The following CCDC22 variants were observed in gnomAD, a reference collection of about 807,000 sequenced individuals.
CCDC22 encodes coiled-coil domain-containing protein 22.
In CCDC22, 4 loss-of-function variants were observed where a neutral mutation model predicts 53.1. The observed-to-expected ratio is 0.08, with a 90% CI of 0.04 to 0.17. The LOEUF (loss-of-function observed/expected upper bound fraction) is 0.17. CCDC22 is among the 10% of genes least tolerant of loss of function. The probability of loss-of-function intolerance (pLI) is 1.00; values close to 1 mark genes in which losing one functional copy is unlikely to be tolerated. For synonymous variants in CCDC22, 222 were observed against 224.4 expected (o/e 0.99, Z 0.10); for missense variants, 458 against 554.0 (o/e 0.83, Z 1.74).
Position 49,248,812 on chromosome X carries a change from C to A in CCDC22, c.1432-5C>A. On this transcript the variant is annotated splice_region_variant and splice_polypyrimidine_tract_variant and intron_variant, in intron 12 of 16. Transcript: ENST00000376227. ...TGGGGCAGTGCCTGCTATATCCCTGCCTAGATGTCAGAGCTGGAGACTCTG... is the reference window on the plus strand; with the variant it reads ...TGGGGCAGTGCCTGCTATATCCCTGACTAGATGTCAGAGCTGGAGACTCTG... The A allele has an allele frequency of 8.3e-7, 1 of 1,209,068 alleles. No homozygotes were observed. The highest frequency in any genetic ancestry group is 2.2e-5 in the Admixed American group (1 of 45,765).
At chrX:49,239,749 A>G (rs976978892) in intron 2 of CCDC22, among the ~76,000 whole-genome samples, 3 of 110,594 alleles carry the variant, frequency 2.7e-5, no homozygotes, top group African/African-American at 9.9e-5. Context: ...GACTGTATGT[A>G]TTCTTAAGGT....
chrX:49,236,999 G>T (rs1349519555), intron 1 of CCDC22, 87 bp from the exon 2 acceptor site: 1 of 866,600 alleles, frequency 1.2e-6, no homozygotes, highest in African/African-American at 2.0e-5. Context: ...CCCCGACCCT[G>T]GTACTAGTGT....
chrX:49,246,418 C>T (rs1212608449), intron 6 of CCDC22, among the ~76,000 whole-genome samples: 2 of 112,178 alleles, frequency 1.8e-5, no homozygotes, highest in African/African-American at 3.2e-5. Flanking sequence ...GCCCTGTCCC[C>T]CGATATCCTG....
At position 49,246,859 on chromosome X, in the gene CCDC22, T is replaced by C; in HGVS notation, c.843T>C (p.Ala281=). 2 of 1,202,480 alleles carry C rather than the reference T, an allele frequency of 1.7e-6. No individual in the cohort carries two copies. The highest frequency in any genetic ancestry group is 2.2e-6 in the Non-Finnish European group (2 of 890,721). The change falls in exon 7 of 17, where the codon GCT becomes GCC. Residue 281 remains alanine, a synonymous_variant. Transcript: ENST00000376227. The part of the protein sequence containing the change: ...DLGELLQAWG[A]GAKTGAPKGS... ...GAGAACTGCTGCAGGCCTGGGGTGC[T>C]GGGGCCAAGACTGGTGCTCCTAAGG...
At chrX:49,243,997 T>C (rs1557113823) in intron 6 of CCDC22, among the ~76,000 whole-genome samples, 1 of 112,374 alleles carries the variant, frequency 8.9e-6, no homozygotes, top group Non-Finnish European at 1.9e-5. Flanking sequence ...CCATGTTGGC[T>C]AGGCTGGTCT....
intron 5 of CCDC22, 37 bp downstream of exon 5, chrX:49,243,221 G>T: frequency 8.3e-7 from 1 of 1,203,064 alleles, no homozygotes; most frequent in African/African-American, 1.7e-5. Context: ...GAGGAGGAAG[G>T]TGGGGGGGAA....
In CCDC22 at chrX:49,243,439, C is replaced by T. The variant is rs376161516; in HGVS notation, c.691C>T (p.Arg231Trp). 7.0e-5 allele frequency: 83 copies of T among 1,179,974 alleles called. No individual in the cohort carries two copies. The highest frequency in any genetic ancestry group is 8.1e-5 in the Non-Finnish European group (71 of 879,386). The change falls in exon 6 of 17, where the codon CGG (arginine) becomes TGG (tryptophan). Residue 231 changes from arginine to tryptophan, a missense_variant. This residue lies in a region of CCDC22 where 309 missense variants were observed against 312.3 expected (regional missense o/e 0.99). Coordinates refer to ENST00000376227, the MANE Select transcript of CCDC22 (RefSeq NM_014008.5). ...GCCAGGGGATGAGGACTGGGTCCAC[C>T]GGACATCCCGCCTCCCACCCCAGGT... The part of the protein sequence containing the change: ...DRPGDEDWVH[R>W]TSRLPPQEDT...
Position 49,246,888 on chromosome X carries a change from C to T in CCDC22, c.872C>T (p.Ser291Phe). The T allele has an allele frequency of 2.5e-6, 3 of 1,199,507 alleles. No homozygotes were observed. Among genetic ancestry groups the T allele is most frequent in the Non-Finnish European group, 3.4e-6 (3 of 889,154 alleles). ...AGAKTGAPKG[S>F]RFTHSEKFTF... Reference sequence around the variant, plus strand: ...GCCAAGACTGGTGCTCCTAAGGGCTCCCGCTTCACGCACTCAGAGAAGTTC... The same window carrying T: ...GCCAAGACTGGTGCTCCTAAGGGCTTCCGCTTCACGCACTCAGAGAAGTTC... Residue 291 changes from serine (S) to phenylalanine (F), a missense_variant, in exon 7 of 17, where the codon TCC becomes TTC. Around this residue, in one of 4 missense-constraint regions of CCDC22, gnomAD observed 309 missense variants for 312.3 expected, o/e 0.99. Transcript: ENST00000376227.
At chrX:49,235,732 T>A in intron 1 of CCDC22, 46 bp downstream of exon 1, 1 of 1,086,294 alleles carries the variant, frequency 9.2e-7, no homozygotes, top group Non-Finnish European at 1.2e-6. Context: ...CATCCGGGAC[T>A]CTAAAGCCCA....
chrX:49,238,524 GCCT>G (rs782149018), intron 2 of CCDC22, among the ~76,000 whole-genome samples: 3 of 112,871 alleles, frequency 2.7e-5, no homozygotes, highest in African/African-American at 9.6e-5. Flanking sequence ...CACATATCCT[GCCT>G]CTGCTAAGAG....
chrX:49,236,758 C>T (rs2065939936), intron 1 of CCDC22: 1 of 214,884 alleles, frequency 4.7e-6, no homozygotes, highest in Admixed American at 7.1e-5. Context: ...AATATGTATG[C>T]AAAGAACATA....
At position 49,248,468 on chromosome X, in the gene CCDC22, G is replaced by A; in HGVS notation, c.1274G>A (p.Arg425Gln). The A allele has an allele frequency of 1.7e-6, 2 of 1,210,445 alleles. No homozygotes were observed. The highest frequency in any genetic ancestry group is 2.2e-6 in the Non-Finnish European group (2 of 894,919). The change falls in exon 11 of 17, where the codon CGG (arginine) becomes CAG (glutamine). Residue 425 changes from arginine (R) to glutamine (Q), a missense_variant. By Grantham distance (43) the Arg-to-Gln change is conservative. Transcript: ENST00000376227. The part of the protein sequence containing the change: ...IHLAGQWEKH[R>Q]VPLLAEYRHL... ...TTGGCGGGTCAGTGGGAGAAGCACC[G>A]GGTCCCACTCCTCGCTGAGTACCGC...
At chrX:49,245,326 CTCTT>C (rs1256239045) in intron 6 of CCDC22, among the ~76,000 whole-genome samples, 2 of 111,658 alleles carry the variant, frequency 1.8e-5, no homozygotes, top group Non-Finnish European at 3.8e-5. Flanking sequence ...TATCTGTCCT[CTCTT>C]TCTGTCTTCA....
rs782504497 is a variant in CCDC22, at chrX:49,240,164, G to A, written c.229-1852G>A. Among the ~76,000 whole-genome samples, 3 of 104,683 alleles carry A rather than the reference G, an allele frequency of 2.9e-5. No individual in the cohort carries two copies. In the South Asian group the frequency reaches 1.4e-3, roughly 49 times the overall value. 90.9% of individuals were successfully genotyped at this position (104,683 alleles called of 115,157 possible). A position where few individuals can be genotyped will look rare whatever the true frequency, so the allele number is the denominator to read the frequency against. ...GCTATGTGGGAGGCTGAGGTAGGAGGATTGCTTGAGCCTGGGAGGTCCAGG... is the reference window on the plus strand; with the variant it reads ...GCTATGTGGGAGGCTGAGGTAGGAGAATTGCTTGAGCCTGGGAGGTCCAGG... On this transcript the variant is annotated intron_variant, in intron 2 of 16. Coordinates refer to ENST00000376227, the MANE Select transcript of CCDC22 (RefSeq NM_014008.5).
chrX:49,249,136 A>G (rs991483503), intron 13 of CCDC22, 31 bp from the exon 14 acceptor site: 14 of 1,174,677 alleles, frequency 1.2e-5, no homozygotes, highest in Non-Finnish European at 1.6e-5. Flanking sequence ...TGCCCCAGGC[A>G]GGGGCTCATG....
Position 49,245,458 on chromosome X carries a change from T to C in CCDC22, c.715-1273T>C, listed in dbSNP as rs2065984663. ...TACGATCTCAGCTCACTGCAACCTC[T>C]GCCTCCTGGGTTCAAGTGATTCTCC... is the stretch of plus-strand genomic sequence containing the variant. On this transcript the variant is annotated intron_variant, in intron 6 of 16. Coordinates refer to ENST00000376227, the MANE Select transcript of CCDC22 (RefSeq NM_014008.5). 2.7e-5 allele frequency among the ~76,000 whole-genome samples: 3 copies of C among 111,818 alleles called. No individual in the cohort carries two copies. The Admixed American group carries it at 2.9e-4, about 11-fold the overall frequency.
At position 49,247,101 on chromosome X, in the gene CCDC22, C is replaced by A. The variant is rs970977983; in HGVS notation, c.909+176C>A. ...GTCCCCTAGCTTATTAGGGACTTGA[C>A]TGGAGAAAATGTGGATAGGTGGGAA... On this transcript the variant is annotated intron_variant, in intron 7 of 16. Coordinates refer to ENST00000376227, the MANE Select transcript of CCDC22 (RefSeq NM_014008.5). 1.9e-5 allele frequency: 9 copies of A among 462,049 alleles called. No individual in the cohort carries two copies. The East Asian group carries it at 3.0e-4, about 15-fold the overall frequency. 38.1% of individuals were successfully genotyped at this position (462,049 alleles called of 1,213,427 possible).
At chrX:49,237,518 C>G (rs1393511650) in intron 2 of CCDC22, among the ~76,000 whole-genome samples, 1 of 111,646 alleles carries the variant, frequency 9.0e-6, no homozygotes, top group Non-Finnish European at 1.9e-5. Flanking sequence ...CTTCTGGGCC[C>G]CAGTTTTCCT....
intron 9 of CCDC22, 24 bp downstream of exon 9, chrX:49,247,792 G>A (rs782552164): frequency 2.4e-5 from 29 of 1,208,070 alleles, no homozygotes; most frequent in East Asian, 3.0e-5. Context: ...GAGGGGCTGC[G>A]CGTTGGGCTA....
Sources: allele counts gnomAD v4.1 joint callset (sites outside exome capture counted in the v4.1 genomes callset), GRCh38; gene constraint gnomAD v4.1.1; regional missense constraint gnomAD v4.1.1; transcripts MANE v1.5; gene names NCBI Gene and HGNC (gene_info 2026-07-23, HGNC 2026-07-21).